Variants in CMC2 observed in about 807,000 individuals in gnomAD.
CMC2 encodes COX assembly mitochondrial protein 2 homolog.
Under a neutral mutation model 7.5 loss-of-function variants are expected in CMC2, and 5 were observed. The ratio of observed to expected loss-of-function variants is 0.66; its 90% CI spans 0.35 to 1.40. CMC2 has a LOEUF of 1.40. Ranked by LOEUF, CMC2 falls within the 40% of genes most tolerant of loss-of-function variation. The pLI is 0.04. For missense variants in CMC2, 115 were observed against 92.3 expected (o/e 1.25, Z -1.01); for synonymous variants, 37 against 31.4 (o/e 1.18, Z -0.60).
intron 2 of CMC2, chr16:80,988,589 C>T (rs1416282950): frequency 3.1e-6 from 2 of 642,912 alleles, no homozygotes; most frequent in Admixed American, 4.6e-5. Flanking sequence ...AGATATGATG[C>T]ACGTTTCCTA....
At chr16:80,992,766 G>A (rs543031568) in intron 2 of CMC2, among the ~76,000 whole-genome samples, 1 of 135,008 alleles carries the variant, frequency 7.4e-6, no homozygotes, top group Non-Finnish European at 1.5e-5. Context: ...CTGATGTGTT[G>A]TACTGCAGCC....
chr16:80,991,913 A>G (rs1379115889), intron 2 of CMC2: 1 of 455,034 alleles, frequency 2.2e-6, no homozygotes, highest in Non-Finnish European at 4.4e-6. Flanking sequence ...ACAGGAGCCT[A>G]AAGAGTGACA....
chr16:81,000,417 A>C (rs7201499), intron 1 of CMC2, among the ~76,000 whole-genome samples: 14,757 of 152,100 alleles, frequency 0.097, 780 homozygotes, highest in East Asian at 0.16. Context: ...AATCGCTTGA[A>C]CCCAGGAGGC....
intron 2 of CMC2, among the ~76,000 whole-genome samples, chr16:80,994,257 G>C (rs778970421): frequency 6.6e-6 from 1 of 151,716 alleles, no homozygotes; most frequent in Non-Finnish European, 1.5e-5. Flanking sequence ...AACTTGAAAC[G>C]AATCATAGAC....
chr16:80,982,915 C>T, intron 2 of CMC2: 1 of 167,850 alleles, frequency 6.0e-6, no homozygotes. Flanking sequence ...GCTGGAAGTG[C>T]TCCCAAGAAG....
At chr16:80,990,204 T>C (rs1387643768) in intron 2 of CMC2, among the ~76,000 whole-genome samples, 1 of 151,078 alleles carries the variant, frequency 6.6e-6, no homozygotes, top group Non-Finnish European at 1.5e-5. Context: ...ACAGTCTCAC[T>C]CTGTCACCCA....
chr16:80,999,820 A>G (rs1337537688), intron 1 of CMC2, among the ~76,000 whole-genome samples: 1 of 152,190 alleles, frequency 6.6e-6, no homozygotes, highest in Non-Finnish European at 1.5e-5. Flanking sequence ...CATTCAATAA[A>G]TGGTGCTGGG....
At position 80,970,006 on chromosome 16, in the gene CMC2, C is replaced by A. The variant is rs948409901; in HGVS notation, c.*6087G>T. ...TAGGGAGATATTAACACAAGACTAG[C>A]GGTGAGCATTAAGTATGTCTTTATT... On this transcript the variant is annotated 3_prime_UTR_variant, in exon 4 of 4. Coordinates refer to ENST00000219400, the MANE Select transcript of CMC2 (RefSeq NM_020188.5). The A allele has an allele frequency of 1.3e-5, 2 of 152,086 alleles. No individual in the cohort carries two copies. The highest frequency in any genetic ancestry group is 6.6e-5 in the Admixed American group (1 of 15,264). The allele number at this position is 152,086 out of a possible 1,614,324, so 9.4% of individuals were successfully genotyped here.
At chr16:80,980,272 T>C (rs1038820796) in intron 3 of CMC2, among the ~76,000 whole-genome samples, 4 of 150,854 alleles carry the variant, frequency 2.7e-5, no homozygotes, top group African/African-American at 9.8e-5. Context: ...CTTTTTCATA[T>C]AAAGGACAAA....
intron 2 of CMC2, chr16:80,983,311 G>T (rs1275777889): frequency 6.6e-6 from 1 of 152,154 alleles, no homozygotes; most frequent in Non-Finnish European, 1.5e-5. Flanking sequence ...GCTGTTCAAG[G>T]ATCAACTATA....
rs955407924 is a variant in CMC2, at chr16:80,972,000, C to T, written c.*4093G>A. The T allele has an allele frequency of 1.3e-5, 2 of 152,318 alleles. No homozygotes were observed. Among genetic ancestry groups the T allele is most frequent in the Non-Finnish European group, 2.9e-5 (2 of 68,152 alleles). 9.4% of individuals were successfully genotyped at this position (152,318 alleles called of 1,614,324 possible). A position where few individuals can be genotyped will look rare whatever the true frequency, so the allele number is the denominator to read the frequency against. ...CTGCTCTCCCCTCCCTACTGTCAGT[C>T]TTGTTCTCCATCTCCTGTCCTCCCA... On this transcript the variant is annotated 3_prime_UTR_variant, in exon 4 of 4. Transcript: ENST00000219400.
chr16:80,978,200 C>A, intron 3 of CMC2: 2 of 884,042 alleles, frequency 2.3e-6, no homozygotes, highest in South Asian at 4.3e-5. Flanking sequence ...TATTCTAGAA[C>A]AAGGAAGGAT....
chr16:80,998,716 A>G (rs1968621444), intron 1 of CMC2: 1 of 152,234 alleles, frequency 6.6e-6, no homozygotes, highest in Admixed American at 6.5e-5. Flanking sequence ...ATTCTGGCAT[A>G]TGCTACAACA....
rs533571767 is a variant in CMC2, at chr16:80,968,588, G to C, written c.*7505C>G. On this transcript the variant is annotated 3_prime_UTR_variant, in exon 4 of 4. Coordinates refer to ENST00000219400, the MANE Select transcript of CMC2 (RefSeq NM_020188.5). Reference sequence around the variant, plus strand: ...ACTGTTGAAAATATAATCATTCCTAGGGGGCAGTCTTTCCAAGGTAAAATT... The same window carrying C: ...ACTGTTGAAAATATAATCATTCCTACGGGGCAGTCTTTCCAAGGTAAAATT... The C allele has an allele frequency of 6.6e-6, 1 of 152,270 alleles. No individual in the cohort carries two copies. Among genetic ancestry groups the C allele is most frequent in the South Asian group, 2.1e-4 (1 of 4,830 alleles). 9.4% of individuals were successfully genotyped at this position (152,270 alleles called of 1,614,324 possible). A position where few individuals can be genotyped will look rare whatever the true frequency, so the allele number is the denominator to read the frequency against.
chr16:80,979,078 CAA>C lies in CMC2; in HGVS notation c.153+2726_153+2727del, dbSNP rs200041544. ...CCTGGGTGACAGAGTGAGACTCTGGCAAAAAAAATAAAAAAATAAAAAAGCTT... is the reference window on the plus strand; with the variant it reads ...CCTGGGTGACAGAGTGAGACTCTGGCAAAAAATAAAAAAATAAAAAAGCTT... On this transcript the variant is annotated intron_variant, in intron 3 of 3. Transcript: ENST00000219400. Among the ~76,000 whole-genome samples, 668 of 130,844 alleles carry C rather than the reference CAA, an allele frequency of 5.1e-3. 6 individuals are homozygous for C. The highest frequency in any genetic ancestry group is 0.018 in the African/African-American group (619 of 33,664). 85.8% of individuals were successfully genotyped at this position (130,844 alleles called of 152,430 possible). A position where few individuals can be genotyped will look rare whatever the true frequency, so the allele number is the denominator to read the frequency against.
intron 1 of CMC2, chr16:80,997,775 A>C (rs1968543038): frequency 1.2e-5 from 2 of 160,638 alleles, no homozygotes; most frequent in African/African-American, 4.8e-5. Context: ...TTAACAACTC[A>C]TTTTGTTCAG....
intron 1 of CMC2, among the ~76,000 whole-genome samples, chr16:81,002,719 A>G (rs2602411): frequency 0.63 from 95,770 of 152,020 alleles, 31,696 homozygotes; most frequent in South Asian, 0.79. Flanking sequence ...CCTCAAATAC[A>G]TATGCTATTG....
At chr16:80,980,724 C>T (rs2151619011) in intron 3 of CMC2, 1 of 645,934 alleles carries the variant, frequency 1.5e-6, no homozygotes, top group East Asian at 2.8e-5. Context: ...ACTCTCATCT[C>T]TACAAAAAAA....
intron 2 of CMC2, among the ~76,000 whole-genome samples, chr16:80,996,687 AAAC>A (rs1968443041): frequency 1.3e-5 from 2 of 152,224 alleles, no homozygotes. Flanking sequence ...GCTAAAGAAA[AAAC>A]AAATGCTTCT....
Sources: gnomAD v4.1 joint callset for allele counts (sites outside exome capture counted in the v4.1 genomes callset) on GRCh38, gnomAD v4.1.1 for gene constraint, MANE v1.5 for transcripts, NCBI Gene and HGNC (gene_info 2026-07-23, HGNC 2026-07-21) for gene names.